PITPNM3: variants seen among roughly 807,000 people sequenced by gnomAD.
The protein encoded by PITPNM3 is membrane-associated phosphatidylinositol transfer protein 3.
In PITPNM3, 26 loss-of-function variants were observed where a neutral mutation model predicts 102.0. The observed-to-expected ratio is 0.25, with a 90% CI of 0.19 to 0.35. PITPNM3 has a LOEUF of 0.35. Ranked by LOEUF, PITPNM3 falls within the 10% of genes least tolerant of loss-of-function variation. PITPNM3 has a pLI of 1.00. For synonymous variants in PITPNM3, 578 were observed against 558.6 expected, an observed-to-expected ratio of 1.03 and a Z score of -0.49; for missense variants, 1,083 against 1,346.1, an observed-to-expected ratio of 0.80 and a Z score of 3.06.
chr17:6,543,388 C>G (rs911122165), intron 1 of PITPNM3, among the ~76,000 whole-genome samples: 2 of 152,224 alleles, frequency 1.3e-5, no homozygotes, highest in African/African-American at 4.8e-5. Flanking sequence ...ACAGGCGTCT[C>G]CTATGTGTGT....
rs369724453 is a variant in PITPNM3 at position 6,547,814 on chromosome 17, C to A, written c.22+8571G>T. ...GCAATGCCACGATCTCGGCTCACTG[C>A]AACCTCCGCCTCCCAGGTTCTCTCC... On this transcript the variant is annotated intron_variant, in intron 1 of 19. Coordinates refer to ENST00000262483, the MANE Select transcript of PITPNM3 (RefSeq NM_031220.4). Among the ~76,000 whole-genome samples the A allele has an allele frequency of 2.2e-4, 33 of 152,084 alleles. No homozygotes were observed. The South Asian group carries it at 6.7e-3, about 31-fold the overall frequency.
intron 2 of PITPNM3, among the ~76,000 whole-genome samples, chr17:6,534,789 G>A (rs1168541916): frequency 6.6e-6 from 1 of 152,130 alleles, no homozygotes; most frequent in African/African-American, 2.4e-5. Flanking sequence ...GTTGAGGTGG[G>A]CAGGGGTGGG....
At chr17:6,526,012 T>C (rs928638537) in intron 2 of PITPNM3, among the ~76,000 whole-genome samples, 1 of 152,172 alleles carries the variant, frequency 6.6e-6, no homozygotes, top group Non-Finnish European at 1.5e-5. Context: ...GGATGAGGAT[T>C]TGTGTGCTGC....
At chr17:6,551,040 C>T (rs1471046487) in intron 1 of PITPNM3, among the ~76,000 whole-genome samples, 2 of 152,340 alleles carry the variant, frequency 1.3e-5, no homozygotes, top group African/African-American at 4.8e-5. Context: ...CAGCACACCC[C>T]AGACTGCGGG....
At chr17:6,512,129 T>A (rs1360789785) in intron 3 of PITPNM3, among the ~76,000 whole-genome samples, 1 of 152,026 alleles carries the variant, frequency 6.6e-6, no homozygotes, top group African/African-American at 2.4e-5. Context: ...TGTCCCAAAG[T>A]GTGAGAAAGG....
At chr17:6,544,271 T>C (rs1196530532) in intron 1 of PITPNM3, among the ~76,000 whole-genome samples, 1 of 152,192 alleles carries the variant, frequency 6.6e-6, no homozygotes, top group Non-Finnish European at 1.5e-5. Flanking sequence ...ACACTTGTAA[T>C]CCCAGCACTT....
chr17:6,536,511 G>A (rs1211157667), intron 2 of PITPNM3, among the ~76,000 whole-genome samples: 1 of 152,160 alleles, frequency 6.6e-6, no homozygotes, highest in Non-Finnish European at 1.5e-5. Flanking sequence ...CTGGTTTAGG[G>A]CTGGCCTCAG....
intron 3 of PITPNM3, among the ~76,000 whole-genome samples, chr17:6,509,502 G>A (rs568654510): frequency 3.3e-5 from 5 of 152,272 alleles, no homozygotes; most frequent in African/African-American, 4.8e-5. Context: ...CGCTGAAGCC[G>A]GAATTTGCCC....
intron 3 of PITPNM3, among the ~76,000 whole-genome samples, chr17:6,509,001 T>C (rs886783967): frequency 2.6e-5 from 4 of 152,182 alleles, no homozygotes; most frequent in Non-Finnish European, 4.4e-5. Flanking sequence ...GCAAGGCTCA[T>C]GGGCCTGACA....
chr17:6,467,905 A>C (rs192805984), intron 14 of PITPNM3, among the ~76,000 whole-genome samples: 8 of 152,070 alleles, frequency 5.3e-5, no homozygotes, highest in Admixed American at 2.6e-4. Context: ...GAGATCCAGG[A>C]CTCTTTCTGA....
intron 1 of PITPNM3, among the ~76,000 whole-genome samples, chr17:6,543,217 C>A (rs1444566808): frequency 1.3e-5 from 2 of 152,214 alleles, no homozygotes; most frequent in African/African-American, 4.8e-5. Context: ...TACCCACCAC[C>A]TCAGGTCCAG....
In PITPNM3 at chr17:6,471,374, G is replaced by A; in HGVS notation, c.1430-19C>T. ...GCATCAGCTGGAGGGGGAATTTCAAGGTCAGGCTGAGTCACGTGTCTCCAG... is the reference window on the plus strand; with the variant it reads ...GCATCAGCTGGAGGGGGAATTTCAAAGTCAGGCTGAGTCACGTGTCTCCAG... On this transcript the variant is annotated intron_variant, in intron 11 of 19. Coordinates refer to ENST00000262483, the MANE Select transcript of PITPNM3 (RefSeq NM_031220.4). 1.3e-6 allele frequency: 2 copies of A among 1,561,104 alleles called. No homozygotes were observed. Among genetic ancestry groups the A allele is most frequent in the Non-Finnish European group, 1.7e-6 (2 of 1,155,562 alleles).
rs112012856 is a variant in PITPNM3 at position 6,519,291 on chromosome 17, T to C, written c.226+6065A>G. Among the ~76,000 whole-genome samples the C allele has an allele frequency of 5.1e-5, 2 of 39,550 alleles. 1 individual carries two copies. Among genetic ancestry groups the C allele is most frequent in the African/African-American group, 2.4e-4 (2 of 8,238 alleles). The allele number at this position is 39,550 out of a possible 152,430, so 25.9% of individuals were successfully genotyped here. A position where few individuals can be genotyped will look rare whatever the true frequency, so the allele number is the denominator to read the frequency against. On this transcript the variant is annotated intron_variant, in intron 3 of 19. Coordinates refer to ENST00000262483, the MANE Select transcript of PITPNM3 (RefSeq NM_031220.4). Reference sequence around the variant, plus strand: ...GGCGGAGCTTGCAGTGAGCCGAGATTGCGCCACTGCAGTCCGCAGTCCGGC... The same window carrying C: ...GGCGGAGCTTGCAGTGAGCCGAGATCGCGCCACTGCAGTCCGCAGTCCGGC...
intron 6 of PITPNM3, chr17:6,479,747 T>G (rs1905549498): frequency 6.6e-6 from 1 of 152,216 alleles, no homozygotes; most frequent in African/African-American, 2.4e-5. Context: ...CTGTCAGCCA[T>G]TCCTCATCTC....
rs143193362 is a variant in PITPNM3, at chr17:6,500,973, G to A, written c.274+2554C>T. On this transcript the variant is annotated intron_variant, in intron 4 of 19. Coordinates refer to ENST00000262483, the MANE Select transcript of PITPNM3 (RefSeq NM_031220.4). ...TTACAGGTGTGAGCCACCACGCCCA[G>A]CCCAATAAGAACATTCTTAAGGAGC... 2.4e-3 allele frequency among the ~76,000 whole-genome samples: 373 copies of A among 152,266 alleles called. 2 individuals are homozygous for A. Among genetic ancestry groups the A allele is most frequent in the African/African-American group, 7.9e-3 (327 of 41,550 alleles).
Position 6,478,921 on chromosome 17 carries a change from G to A in PITPNM3, c.588-185C>T. On this transcript the variant is annotated intron_variant, in intron 6 of 19. Transcript: ENST00000262483. The surrounding 1 kb of genome is among the most constrained non-coding windows in gnomAD (Gnocchi z 4.4). ...CAGTGTGGGGAGGAGAGGGGAAGAG[G>A]ATTCAAGCCTACACTGACTCCCTGT... The A allele has an allele frequency of 1.6e-6, 1 of 632,506 alleles. No individual in the cohort carries two copies. The highest frequency in any genetic ancestry group is 1.8e-5 in the African/African-American group (1 of 54,612). The allele number at this position is 632,506 out of a possible 1,614,324, so 39.2% of individuals were successfully genotyped here.
rs1421207521 is a variant in PITPNM3 at position 6,468,111 on chromosome 17, G to A, written c.1890+114C>T. The stretch of plus-strand genomic sequence containing the variant: ...GAGCCCCAGCCTGTTTGGGTGCTGA[G>A]CTCTGAGGACAAATTGAAGCGCTTA... On this transcript the variant is annotated intron_variant, in intron 14 of 19. Coordinates refer to ENST00000262483, the MANE Select transcript of PITPNM3 (RefSeq NM_031220.4). The surrounding 1 kb of genome is among the most constrained non-coding windows in gnomAD (Gnocchi z 5.2). 9.9e-7 allele frequency: 1 copy of A among 1,009,278 alleles called. No homozygotes were observed. The highest frequency in any genetic ancestry group is 1.5e-6 in the Non-Finnish European group (1 of 647,212). 62.5% of individuals were successfully genotyped at this position (1,009,278 alleles called of 1,614,324 possible). A position where few individuals can be genotyped will look rare whatever the true frequency, so the allele number is the denominator to read the frequency against.
intron 4 of PITPNM3, among the ~76,000 whole-genome samples, chr17:6,498,062 G>T (rs983017793): frequency 2.6e-5 from 4 of 152,226 alleles, no homozygotes; most frequent in African/African-American, 9.6e-5. Flanking sequence ...CTGCCCCTTT[G>T]AGACAACAGC....
At chr17:6,515,626 T>G (rs1251094642) in intron 3 of PITPNM3, among the ~76,000 whole-genome samples, 1 of 152,120 alleles carries the variant, frequency 6.6e-6, no homozygotes, top group African/African-American at 2.4e-5. Context: ...CCTTAGATCA[T>G]TCAAATCAAG....
Sources: gnomAD v4.1 joint callset for allele counts (sites outside exome capture counted in the v4.1 genomes callset) on GRCh38, gnomAD v4.1.1 for gene constraint, Gnocchi (gnomAD v3.1) non-coding constraint, MANE v1.5 for transcripts, NCBI Gene and HGNC (gene_info 2026-07-23, HGNC 2026-07-21) for gene names.